The following CHMP3 variants were observed in gnomAD, a reference collection of about 807,000 sequenced individuals.
CHMP3 encodes charged multivesicular body protein 3.
In CHMP3, 8 loss-of-function variants were observed where a neutral mutation model predicts 27.4. The ratio of observed to expected loss-of-function variants is 0.29; its 90% CI spans 0.17 to 0.53. CHMP3 has a LOEUF of 0.53. Ranked by LOEUF, CHMP3 falls within the 20% of genes least tolerant of loss-of-function variation. CHMP3 has a pLI of 0.96. For missense variants in CHMP3, 208 were observed against 271.5 expected (o/e 0.77, Z 1.64); for synonymous variants, 86 against 85.5 (o/e 1.01, Z -0.03).
Position 86,507,460 on chromosome 2 carries a change from A to T in CHMP3, c.523+19T>A. ...TGGCCATAAAAAGAGAGGAGAAAGG[A>T]TGGATCTCACGGTCATACCTGCTGT... On this transcript the variant is annotated intron_variant, in intron 5 of 5. Coordinates refer to ENST00000263856, the MANE Select transcript of CHMP3 (RefSeq NM_016079.4). 1 of 1,605,472 alleles carries T rather than the reference A, an allele frequency of 6.2e-7. No individual in the cohort carries two copies. The highest frequency in any genetic ancestry group is 8.5e-7 in the Non-Finnish European group (1 of 1,172,216).
intron 2 of CHMP3, among the ~76,000 whole-genome samples, chr2:86,537,349 C>T (rs1040302262): frequency 2.8e-4 from 42 of 152,168 alleles, no homozygotes; most frequent in African/African-American, 1.9e-4. Flanking sequence ...AGCTTTCCAT[C>T]GATTATTTCC....
intron 2 of CHMP3, among the ~76,000 whole-genome samples, chr2:86,530,567 C>T (rs998361521): frequency 1.1e-4 from 16 of 152,246 alleles, no homozygotes; most frequent in South Asian, 1.0e-3. Flanking sequence ...TATGTATATA[C>T]GACATTTTAC....
intron 1 of CHMP3, among the ~76,000 whole-genome samples, chr2:86,553,529 G>A (rs1412651485): frequency 3.3e-5 from 5 of 151,970 alleles, no homozygotes; most frequent in African/African-American, 1.2e-4. Flanking sequence ...ATGGGGTTTC[G>A]CCATGTTGGC....
chr2:86,516,471 A>AC (rs1321945345), intron 3 of CHMP3, among the ~76,000 whole-genome samples: 1 of 152,204 alleles, frequency 6.6e-6, no homozygotes, highest in African/African-American at 2.4e-5. Flanking sequence ...CCATAGACCT[A>AC]CCAGAATGCC....
At chr2:86,523,373 A>C (rs969462170) in intron 3 of CHMP3, among the ~76,000 whole-genome samples, 1 of 152,216 alleles carries the variant, frequency 6.6e-6, no homozygotes, top group Non-Finnish European at 1.5e-5. Context: ...CCTAGTGCAT[A>C]TCACAGTAAG....
intron 1 of CHMP3, among the ~76,000 whole-genome samples, chr2:86,549,916 T>C (rs1416133460): frequency 6.7e-6 from 1 of 149,856 alleles, no homozygotes; most frequent in Non-Finnish European, 1.5e-5. Flanking sequence ...GCAGAGGCGC[T>C]TCTCACTTCC....
chr2:86,516,585 C>A (rs11684230), intron 3 of CHMP3, among the ~76,000 whole-genome samples: 59,451 of 152,064 alleles, frequency 0.39, 13,599 homozygotes, highest in East Asian at 0.75. Flanking sequence ...ACTTTTATAG[C>A]AGCTTTATTC....
chr2:86,510,284 AT>A, intron 4 of CHMP3, 73 bp downstream of exon 4: 1 of 1,362,250 alleles, frequency 7.3e-7, no homozygotes, highest in Non-Finnish European at 1.0e-6. Context: ...ACCCACCCTC[AT>A]CCCTAGCCCC....
At chr2:86,515,551 C>T (rs915034705) in intron 3 of CHMP3, among the ~76,000 whole-genome samples, 6 of 152,014 alleles carry the variant, frequency 3.9e-5, no homozygotes, top group Non-Finnish European at 8.8e-5. Context: ...GAACTCCTGA[C>T]CTCAGGTGAT....
chr2:86,521,490 T>G (rs1675521347), intron 3 of CHMP3, among the ~76,000 whole-genome samples: 1 of 152,232 alleles, frequency 6.6e-6, no homozygotes, highest in Non-Finnish European at 1.5e-5. Context: ...TGGCATTAGG[T>G]ACATTCATTC....
chr2:86,546,127 G>A lies in CHMP3; in HGVS notation c.46-3815C>T, dbSNP rs574162454. 2.5e-4 allele frequency among the ~76,000 whole-genome samples: 38 copies of A among 152,312 alleles called. No individual in the cohort carries two copies. The South Asian group carries it at 4.1e-3, about 17-fold the overall frequency. On this transcript the variant is annotated intron_variant, in intron 1 of 5. Coordinates refer to ENST00000263856, the MANE Select transcript of CHMP3 (RefSeq NM_016079.4). ...TGCAATCCCAGCACCTCGGGAGGCC[G>A]AGGCAGGCAGATCACTCGAGGTCAG...
intron 1 of CHMP3, among the ~76,000 whole-genome samples, chr2:86,548,610 T>C (rs1039496023): frequency 6.6e-6 from 1 of 152,202 alleles, no homozygotes; most frequent in Non-Finnish European, 1.5e-5. Flanking sequence ...ACAGTAACCA[T>C]CTGATCTGTC....
In CHMP3 at chr2:86,505,726, C is replaced by G. The variant is rs572281969; in HGVS notation, c.*78G>C. On this transcript the variant is annotated 3_prime_UTR_variant, in exon 6 of 6. Transcript: ENST00000263856. ...TTCTCCAAAATGGTAGTCCTCACAACAGAGGTGTAGTGCAAGAGACACATA... is the reference window on the plus strand; with the variant it reads ...TTCTCCAAAATGGTAGTCCTCACAAGAGAGGTGTAGTGCAAGAGACACATA... 3.4e-5 allele frequency: 47 copies of G among 1,379,766 alleles called. No individual in the cohort carries two copies. The South Asian group carries it at 3.5e-4, about 10-fold the overall frequency. The allele number at this position is 1,379,766 out of a possible 1,614,324, so 85.5% of individuals were successfully genotyped here. A position where few individuals can be genotyped will look rare whatever the true frequency, so the allele number is the denominator to read the frequency against.
At chr2:86,521,356 C>T (rs1202387157) in intron 3 of CHMP3, among the ~76,000 whole-genome samples, 1 of 152,206 alleles carries the variant, frequency 6.6e-6, no homozygotes, top group African/African-American at 2.4e-5. Context: ...GATAGCTCAG[C>T]ACTCACACCT....
chr2:86,506,004 A>G, intron 5 of CHMP3, 55 bp from the exon 6 acceptor site: 1 of 1,458,984 alleles, frequency 6.9e-7, no homozygotes, highest in Non-Finnish European at 9.1e-7. Flanking sequence ...GCAGCCCCTC[A>G]ATCTTCCCTG....
At chr2:86,509,025 C>A (rs1003678161) in intron 4 of CHMP3, among the ~76,000 whole-genome samples, 1 of 152,156 alleles carries the variant, frequency 6.6e-6, no homozygotes, top group Non-Finnish European at 1.5e-5. Context: ...CTGCTCTGTG[C>A]CACACAATAG....
chr2:86,557,477 T>C (rs1201691540), intron 1 of CHMP3, among the ~76,000 whole-genome samples: 1 of 152,162 alleles, frequency 6.6e-6, no homozygotes, highest in Non-Finnish European at 1.5e-5. Context: ...GCTCCCCATC[T>C]TTAGTAGGCA....
chr2:86,518,215 G>C (rs536923950), intron 3 of CHMP3, among the ~76,000 whole-genome samples: 1 of 152,224 alleles, frequency 6.6e-6, no homozygotes, highest in East Asian at 1.9e-4. Flanking sequence ...TTGAGAGTAA[G>C]ACAACTTTTC....
At chr2:86,513,032 T>C (rs1675165621) in intron 3 of CHMP3, among the ~76,000 whole-genome samples, 1 of 152,356 alleles carries the variant, frequency 6.6e-6, no homozygotes, top group South Asian at 2.1e-4. Context: ...ATTAAAAATA[T>C]GTCCACAGAA....
Sources: gnomAD v4.1 joint callset for allele counts (sites outside exome capture counted in the v4.1 genomes callset) on GRCh38, gnomAD v4.1.1 for gene constraint, MANE v1.5 for transcripts, NCBI Gene and HGNC (gene_info 2026-07-23, HGNC 2026-07-21) for gene names.